Variants in NECAB1 observed in about 807,000 individuals in gnomAD.
NECAB1 encodes the protein N-terminal EF-hand calcium binding protein 1.
Under a neutral mutation model 57.5 loss-of-function variants are expected in NECAB1, and 29 were observed. The observed-to-expected ratio is 0.50, with a 90% CI of 0.38 to 0.69. The LOEUF is 0.69. Among genes scored for constraint, NECAB1 ranks in the 30% least tolerant of loss-of-function variants. The probability of loss-of-function intolerance (pLI) is 0.00; values close to 1 mark genes in which losing one functional copy is unlikely to be tolerated. For missense variants in NECAB1, 372 were observed against 413.8 expected (o/e 0.90, Z 0.88); for synonymous variants, 142 against 147.7 (o/e 0.96, Z 0.28).
chr8:90,809,148 C>T (rs571075935), intron 2 of NECAB1, among the ~76,000 whole-genome samples: 3 of 152,318 alleles, frequency 2.0e-5, no homozygotes, highest in South Asian at 2.1e-4. Flanking sequence ...TTGAAATTCT[C>T]GTGTGTCTTG....
At chr8:90,813,587 G>A (rs967592879) in intron 2 of NECAB1, among the ~76,000 whole-genome samples, 34 of 152,086 alleles carry the variant, frequency 2.2e-4, no homozygotes, top group Admixed American at 6.5e-4. Context: ...AGTGCAAGTG[G>A]CGTAATCATA....
chr8:90,899,992 C>T (rs900492306), intron 5 of NECAB1, among the ~76,000 whole-genome samples: 3 of 152,120 alleles, frequency 2.0e-5, no homozygotes, highest in African/African-American at 7.2e-5. Flanking sequence ...ATTACTAAAA[C>T]AACAATGAGC....
chr8:90,862,433 C>T lies in NECAB1; in HGVS notation c.234-9695C>T, dbSNP rs79920115. Among the ~76,000 whole-genome samples the T allele has an allele frequency of 1.9e-3, 290 of 152,116 alleles. 1 individual carries two copies. Among genetic ancestry groups the T allele is most frequent in the African/African-American group, 6.2e-3 (259 of 41,520 alleles). ...CCATTTAAACACAGAGGTATTCTACCTGTATGATGACACAGATGGAGTTCT... is the reference window on the plus strand; with the variant it reads ...CCATTTAAACACAGAGGTATTCTACTTGTATGATGACACAGATGGAGTTCT... On this transcript the variant is annotated intron_variant, in intron 3 of 12. Transcript: ENST00000417640.
At chr8:90,915,647 T>G (rs1355687435) in intron 5 of NECAB1, among the ~76,000 whole-genome samples, 3 of 152,180 alleles carry the variant, frequency 2.0e-5, no homozygotes, top group Non-Finnish European at 4.4e-5. Flanking sequence ...GATAATTGAT[T>G]CACACCACAT....
chr8:90,875,923 T>G (rs547118184), intron 4 of NECAB1, among the ~76,000 whole-genome samples: 24 of 151,106 alleles, frequency 1.6e-4, no homozygotes, highest in Non-Finnish European at 2.9e-4. Flanking sequence ...GGCAGGAGAA[T>G]GGCGTGAACC....
At chr8:90,910,222 A>T (rs199625019) in intron 5 of NECAB1, among the ~76,000 whole-genome samples, 1 of 79,670 alleles carries the variant, frequency 1.3e-5, no homozygotes. Flanking sequence ...TTTTCTTAAT[A>T]TCTTCTAGCT....
chr8:90,871,432 G>C (rs910032467), intron 3 of NECAB1, among the ~76,000 whole-genome samples: 1 of 152,014 alleles, frequency 6.6e-6, no homozygotes, highest in Non-Finnish European at 1.5e-5. Flanking sequence ...TTATTCTTCT[G>C]ATAGTCATGT....
intron 3 of NECAB1, among the ~76,000 whole-genome samples, chr8:90,855,420 G>T (rs1426945742): frequency 6.6e-6 from 1 of 152,194 alleles, no homozygotes; most frequent in Non-Finnish European, 1.5e-5. Context: ...GTTCAAATGT[G>T]CAGATAGAGA....
intron 3 of NECAB1, among the ~76,000 whole-genome samples, chr8:90,827,822 G>T (rs1216907084): frequency 1.3e-5 from 2 of 151,776 alleles, no homozygotes; most frequent in Admixed American, 1.3e-4. Flanking sequence ...TCAAAATTAA[G>T]TACATTATTC....
At chr8:90,864,500 C>T (rs1808472173) in intron 3 of NECAB1, among the ~76,000 whole-genome samples, 2 of 152,186 alleles carry the variant, frequency 1.3e-5, no homozygotes, top group East Asian at 1.9e-4. Context: ...TTGATTGTGA[C>T]TTCTCTGTTT....
At chr8:90,805,811 C>T (rs929201188) in intron 2 of NECAB1, among the ~76,000 whole-genome samples, 8 of 152,020 alleles carry the variant, frequency 5.3e-5, no homozygotes, top group African/African-American at 9.7e-5. Flanking sequence ...TAAATGTATA[C>T]ATTGTGTAAT....
rs1213246668 is a variant in NECAB1 at position 90,959,121 on chromosome 8, G to T, written c.*3609G>T. On this transcript the variant is annotated 3_prime_UTR_variant, in exon 13 of 13. Transcript: ENST00000417640. ...CAAACCAAATACTGTGAACGTACCA[G>T]GTGTTTACAGATTTAAATGCATGTT... 1 of 563,466 alleles carries T rather than the reference G, an allele frequency of 1.8e-6. No homozygotes were observed. The highest frequency in any genetic ancestry group is 3.4e-5 in the East Asian group (1 of 29,638). 34.9% of individuals were successfully genotyped at this position (563,466 alleles called of 1,614,324 possible).
chr8:90,890,523 A>G (rs1192702650), intron 5 of NECAB1, among the ~76,000 whole-genome samples: 1 of 152,210 alleles, frequency 6.6e-6, no homozygotes, highest in Non-Finnish European at 1.5e-5. Context: ...AATGAGAATC[A>G]ATTATGTTTT....
chr8:90,817,971 ATTAT>A (rs1373991135), intron 2 of NECAB1, among the ~76,000 whole-genome samples: 2 of 151,850 alleles, frequency 1.3e-5, no homozygotes, highest in Non-Finnish European at 2.9e-5. Context: ...TTAATAACTG[ATTAT>A]TTAATATATA....
chr8:90,802,953 G>A (rs1345741563), intron 2 of NECAB1, among the ~76,000 whole-genome samples: 5 of 152,118 alleles, frequency 3.3e-5, no homozygotes. Context: ...CTGGAGTGCA[G>A]TGGTGGGATC....
intron 3 of NECAB1, among the ~76,000 whole-genome samples, chr8:90,861,205 C>T (rs1251191638): frequency 6.6e-6 from 1 of 152,096 alleles, no homozygotes; most frequent in Non-Finnish European, 1.5e-5. Flanking sequence ...ACAATGTCTC[C>T]CTTGTCCATC....
chr8:90,944,844 CT>C (rs1810760675), intron 10 of NECAB1, among the ~76,000 whole-genome samples: 1 of 152,196 alleles, frequency 6.6e-6, no homozygotes, highest in African/African-American at 2.4e-5. Flanking sequence ...TAAGAATCAA[CT>C]CTGAGACATC....
chr8:90,803,537 A>C (rs1242129230), intron 2 of NECAB1, among the ~76,000 whole-genome samples: 2 of 152,218 alleles, frequency 1.3e-5, no homozygotes, highest in African/African-American at 4.8e-5. Context: ...TGAACAAAAC[A>C]ATGCACATGA....
intron 3 of NECAB1, among the ~76,000 whole-genome samples, chr8:90,848,424 GTTCCAAAGTCAC>G (rs1812609332): frequency 6.6e-6 from 1 of 152,104 alleles, no homozygotes; most frequent in Admixed American, 6.5e-5. Flanking sequence ...CTGTTCCCCA[GTTCCAAAGTCAC>G]TTCCACATTT....
Sources: gnomAD v4.1 joint callset for allele counts (sites outside exome capture counted in the v4.1 genomes callset) on GRCh38, gnomAD v4.1.1 for gene constraint, MANE v1.5 for transcripts, NCBI Gene and HGNC (gene_info 2026-07-23, HGNC 2026-07-21) for gene names.